The following RBFOX1 variants were observed in gnomAD, a reference collection of about 807,000 sequenced individuals.
RBFOX1 encodes RNA binding fox-1 homolog 1.
RBFOX1 carries 8 observed loss-of-function variants against 57.7 expected under a neutral mutation model. That is an observed-to-expected ratio of 0.14 (90% CI 0.08 to 0.25). RBFOX1 has a LOEUF of 0.25. Ranked by LOEUF, RBFOX1 falls within the 10% of genes least tolerant of loss-of-function variation. RBFOX1 has a pLI of 1.00. For missense variants in RBFOX1, 611 were observed against 548.5 expected, an observed-to-expected ratio of 1.11 and a Z score of -1.14; for synonymous variants, 326 against 222.4, an observed-to-expected ratio of 1.47 and a Z score of -4.15.
At chr16:6,067,544 C>T (rs760478325) in intron 1 of RBFOX1, among the ~76,000 whole-genome samples, 1 of 152,152 alleles carries the variant, frequency 6.6e-6, no homozygotes, top group Admixed American at 6.5e-5. Flanking sequence ...GTAGAATATC[C>T]AAACTATTTT....
chr16:7,591,345 T>A (rs2094435363), intron 7 of RBFOX1, among the ~76,000 whole-genome samples: 1 of 152,128 alleles, frequency 6.6e-6, no homozygotes, highest in South Asian at 2.1e-4. Flanking sequence ...GGATTTTTCA[T>A]CTAGGATGAA....
chr16:5,508,573 G>A (rs1244965751), intron 2 of RBFOX1, among the ~76,000 whole-genome samples: 1 of 152,112 alleles, frequency 6.6e-6, no homozygotes, highest in Non-Finnish European at 1.5e-5. Flanking sequence ...AGATGGTGGC[G>A]GGGACTGCAC....
chr16:7,516,170 G>A (rs1336997342), intron 4 of RBFOX1, among the ~76,000 whole-genome samples: 1 of 152,124 alleles, frequency 6.6e-6, no homozygotes, highest in Non-Finnish European at 1.5e-5. Flanking sequence ...GGCAGCTCCA[G>A]GCTTATGATG....
rs146108813 is a variant in RBFOX1 at position 5,925,765 on chromosome 16, C to G, written c.351+58430C>G. 2.6e-3 allele frequency among the ~76,000 whole-genome samples: 399 copies of G among 152,276 alleles called. 2 individuals are homozygous for G. The highest frequency in any genetic ancestry group is 8.9e-3 in the African/African-American group (369 of 41,556). ...AAAACCAGGTTGTTTTTCTCAGTCT[C>G]TCAGGTCTCTTCCACCCTCTTTCCT... On this transcript the variant is annotated intron_variant, in intron 4 of 19. Coordinates refer to the RBFOX1 transcript ENST00000641259.
chr16:6,823,230 A>G (rs1404055690), intron 3 of RBFOX1, among the ~76,000 whole-genome samples: 1 of 150,952 alleles, frequency 6.6e-6, no homozygotes, highest in African/African-American at 2.4e-5. Context: ...CTCTTGGCCC[A>G]TCTGAAATTG....
At chr16:6,223,692 G>T (rs904815052) in intron 1 of RBFOX1, among the ~76,000 whole-genome samples, 11 of 152,140 alleles carry the variant, frequency 7.2e-5, no homozygotes, top group African/African-American at 2.7e-4. Flanking sequence ...CTATGCAGAA[G>T]CTCTTTAGTT....
intron 2 of RBFOX1, among the ~76,000 whole-genome samples, chr16:5,593,808 T>C (rs1396265622): frequency 6.6e-6 from 1 of 152,228 alleles, no homozygotes; most frequent in Non-Finnish European, 1.5e-5. Context: ...AACTTGCTTT[T>C]GCTTTACTGT....
chr16:6,408,160 C>A (rs934062560), intron 2 of RBFOX1, among the ~76,000 whole-genome samples: 5 of 152,128 alleles, frequency 3.3e-5, no homozygotes, highest in Non-Finnish European at 7.3e-5. Context: ...GTGAGACATG[C>A]ATTTCTGTTG....
intron 3 of RBFOX1, among the ~76,000 whole-genome samples, chr16:5,768,514 G>A (rs1222539054): frequency 6.6e-6 from 1 of 152,320 alleles, no homozygotes; most frequent in African/African-American, 2.4e-5. Context: ...GGTGCAAAAT[G>A]CAGAATACCA....
intron 1 of RBFOX1, among the ~76,000 whole-genome samples, chr16:6,067,044 A>G (rs184543728): frequency 4.6e-5 from 7 of 152,314 alleles, no homozygotes. Flanking sequence ...TCTGCAATTT[A>G]CAAGTGATCT....
chr16:7,703,721 C>T (rs2081503966), intron 14 of RBFOX1, among the ~76,000 whole-genome samples: 1 of 152,172 alleles, frequency 6.6e-6, no homozygotes, highest in Non-Finnish European at 1.5e-5. Flanking sequence ...CTTTAACAAA[C>T]ACGGGTTTAT....
intron 1 of RBFOX1, among the ~76,000 whole-genome samples, chr16:6,039,907 C>G (rs1192545994): frequency 2.0e-5 from 3 of 152,192 alleles, no homozygotes; most frequent in South Asian, 4.1e-4. Context: ...GTTGAGAGGC[C>G]TGAGCCCTTC....
chr16:6,655,749 C>T (rs1437153281), intron 3 of RBFOX1, among the ~76,000 whole-genome samples: 1 of 152,070 alleles, frequency 6.6e-6, no homozygotes, highest in Non-Finnish European at 1.5e-5. Flanking sequence ...CTTTTGACAT[C>T]GTTCCACAAG....
intron 11 of RBFOX1, among the ~76,000 whole-genome samples, chr16:7,639,889 A>G (rs1186396299): frequency 6.6e-6 from 1 of 152,138 alleles, no homozygotes; most frequent in Non-Finnish European, 1.5e-5. Flanking sequence ...CTATTTATGA[A>G]CAATAGTTGC....
At chr16:5,323,359 C>A (rs2064466587) in intron 1 of RBFOX1, among the ~76,000 whole-genome samples, 1 of 152,178 alleles carries the variant, frequency 6.6e-6, no homozygotes. Flanking sequence ...TCATGATGAC[C>A]CAACGAATTG....
At chr16:5,662,611 A>G (rs2049693025) in intron 3 of RBFOX1, among the ~76,000 whole-genome samples, 1 of 152,192 alleles carries the variant, frequency 6.6e-6, no homozygotes, top group Non-Finnish European at 1.5e-5. Context: ...TTTTTATTTT[A>G]TGACAATTTT....
intron 2 of RBFOX1, among the ~76,000 whole-genome samples, chr16:6,528,897 T>A (rs2153814799): frequency 6.6e-6 from 1 of 152,246 alleles, no homozygotes; most frequent in South Asian, 2.1e-4. Flanking sequence ...TGGAAGAAAT[T>A]GGTGTAGGGG....
At chr16:5,809,960 T>C (rs1455386263) in intron 3 of RBFOX1, among the ~76,000 whole-genome samples, 2 of 151,942 alleles carry the variant, frequency 1.3e-5, no homozygotes, top group African/African-American at 4.8e-5. Context: ...ATTAAGAAAA[T>C]GTGGCACATA....
At chr16:6,465,020 T>C (rs1489691341) in intron 2 of RBFOX1, among the ~76,000 whole-genome samples, 1 of 152,224 alleles carries the variant, frequency 6.6e-6, no homozygotes, top group African/African-American at 2.4e-5. Context: ...TAAACACAGT[T>C]TCTCATATCT....
Sources: gnomAD v4.1 joint callset for allele counts (sites outside exome capture counted in the v4.1 genomes callset) on GRCh38, gnomAD v4.1.1 for gene constraint, MANE v1.5 for transcripts, NCBI Gene and HGNC (gene_info 2026-07-23, HGNC 2026-07-21) for gene names.